KLF8: variants seen among roughly 807,000 people sequenced by gnomAD.
KLF8 encodes KLF transcription factor 8, also known as Krueppel-like factor 8.
KLF8 carries 10 observed loss-of-function variants against 18.2 expected under a neutral mutation model. The observed-to-expected ratio is 0.55, with a 90% CI of 0.34 to 0.93. The LOEUF (loss-of-function observed/expected upper bound fraction) is 0.93. KLF8 is among the 40% of genes least tolerant of loss of function. The pLI, the probability that KLF8 is intolerant of heterozygous loss-of-function variation, is 0.02. For missense variants in KLF8, 264 were observed against 277.9 expected, an observed-to-expected ratio of 0.95 and a Z score of 0.36; for synonymous variants, 109 against 97.3, an observed-to-expected ratio of 1.12 and a Z score of -0.71.
At chrX:56,175,370 T>G in the KLF8 span, among the ~76,000 whole-genome samples, 43 of 112,191 alleles carry the variant, frequency 3.8e-4, 1 homozygote, top group East Asian at 9.2e-3. Context: ...TAGTCATTCA[T>G]GAGCAGGTTG....
the KLF8 span, among the ~76,000 whole-genome samples, chrX:55,964,709 A>G: frequency 1.8e-5 from 2 of 112,041 alleles, no homozygotes; most frequent in African/African-American, 3.2e-5. Flanking sequence ...ACAATCAGAA[A>G]TGACAAAGAT....
intron 1 of KLF8, among the ~76,000 whole-genome samples, chrX:56,241,402 A>G (rs1007259242): frequency 9.0e-6 from 1 of 111,625 alleles, no homozygotes; most frequent in Non-Finnish European, 1.9e-5. Flanking sequence ...CCTGACTTCA[A>G]GTGATCCACC....
intron 2 of KLF8, 45 bp from the exon 3 acceptor site, chrX:56,265,135 T>C (rs1240987179): frequency 5.3e-6 from 6 of 1,135,343 alleles, no homozygotes; most frequent in Non-Finnish European, 7.0e-6. Context: ...CTCTTCAGGG[T>C]ACTAACACTG....
chrX:56,187,146 A>G, the KLF8 span, among the ~76,000 whole-genome samples: 2 of 111,911 alleles, frequency 1.8e-5, no homozygotes, highest in African/African-American at 6.5e-5. Context: ...AAAGAAGAAA[A>G]GAGAGAAGAA....
chrX:56,248,867 T>C (rs765274442), intron 1 of KLF8, among the ~76,000 whole-genome samples: 1 of 111,960 alleles, frequency 8.9e-6, no homozygotes, highest in Admixed American at 9.5e-5. Flanking sequence ...TTTCGTTCTT[T>C]TCCACCCTTT....
the KLF8 span, among the ~76,000 whole-genome samples, chrX:55,960,457 G>T: frequency 1.8e-5 from 2 of 111,595 alleles, no homozygotes; most frequent in African/African-American, 6.5e-5. Context: ...AGAGGTTGCG[G>T]TGAGCCAAGA....
chrX:56,180,874 A>G, the KLF8 span, among the ~76,000 whole-genome samples: 1 of 111,925 alleles, frequency 8.9e-6, no homozygotes, highest in East Asian at 2.8e-4. Flanking sequence ...GGAGTGCTTT[A>G]CTTCCAACTA....
the KLF8 span, among the ~76,000 whole-genome samples, chrX:55,934,516 C>T: frequency 8.9e-6 from 1 of 112,249 alleles, no homozygotes; most frequent in African/African-American, 3.2e-5. Flanking sequence ...GTGTAAGTAG[C>T]ACCAGACTTT....
At chrX:55,928,747 C>G in the KLF8 span, among the ~76,000 whole-genome samples, 1 of 112,363 alleles carries the variant, frequency 8.9e-6, no homozygotes. Context: ...ATATGTGCCA[C>G]ATTTGCTTTA....
chrX:55,945,527 A>C, the KLF8 span, among the ~76,000 whole-genome samples: 1,252 of 111,166 alleles, frequency 0.011, 12 homozygotes, highest in African/African-American at 0.039. Context: ...CCCACAGCCA[A>C]TATCATACTG....
intron 1 of KLF8, among the ~76,000 whole-genome samples, chrX:56,241,391 T>C (rs919172718): frequency 9.0e-6 from 1 of 111,478 alleles, no homozygotes; most frequent in African/African-American, 3.3e-5. Context: ...GGTCTCAAAC[T>C]CCTGACTTCA....
chrX:55,980,613 G>A, the KLF8 span, among the ~76,000 whole-genome samples: 9,502 of 111,162 alleles, frequency 0.085, 996 homozygotes, highest in African/African-American at 0.3. Flanking sequence ...TGATGCCACC[G>A]TGGTAAAGGA....
chrX:56,269,628 G>A (rs915574435), intron 4 of KLF8, 139 bp downstream of exon 4: 37 of 990,492 alleles, frequency 3.7e-5, no homozygotes, highest in Non-Finnish European at 4.8e-5. Context: ...TAGGGAGACT[G>A]CCTTTCCAGT....
the KLF8 span, among the ~76,000 whole-genome samples, chrX:55,985,770 TG>T: frequency 1.8e-5 from 2 of 111,168 alleles, no homozygotes; most frequent in African/African-American, 6.5e-5. Flanking sequence ...GAGCATGGAA[TG>T]TTTTTTTCAT....
At chrX:56,263,347 A>G (rs1444658679) in intron 2 of KLF8, among the ~76,000 whole-genome samples, 1 of 111,928 alleles carries the variant, frequency 8.9e-6, no homozygotes, top group African/African-American at 3.3e-5. Flanking sequence ...CTGAGTTGGG[A>G]TAGGTGCTGG....
the KLF8 span, among the ~76,000 whole-genome samples, chrX:55,958,464 G>A: frequency 8.9e-6 from 1 of 111,742 alleles, no homozygotes; most frequent in Non-Finnish European, 1.9e-5. Flanking sequence ...TTTCTCCTTG[G>A]ATTCAGAAAT....
chrX:55,949,333 CTG>C, the KLF8 span, among the ~76,000 whole-genome samples: 40,398 of 87,610 alleles, frequency 0.46, 10,242 homozygotes, highest in Non-Finnish European at 0.65. Flanking sequence ...TTTTCATATG[CTG>C]TGTGTGTGTG....
chrX:56,033,851 G>A, the KLF8 span, among the ~76,000 whole-genome samples: 1 of 112,018 alleles, frequency 8.9e-6, no homozygotes, highest in Admixed American at 9.4e-5. Flanking sequence ...TTTTAAAATA[G>A]TTGTTTCTTG....
At chrX:56,240,931 T>A (rs1007203496) in intron 1 of KLF8, among the ~76,000 whole-genome samples, 2 of 111,731 alleles carry the variant, frequency 1.8e-5, no homozygotes, top group African/African-American at 6.5e-5. Context: ...TGCCATGAAG[T>A]GTGGCACACG....
Sources: gnomAD v4.1 joint callset for allele counts (sites outside exome capture counted in the v4.1 genomes callset) on GRCh38, gnomAD v4.1.1 for gene constraint, MANE v1.5 for transcripts, NCBI Gene and HGNC (gene_info 2026-07-23, HGNC 2026-07-21) for gene names.